TENM2: variants seen among roughly 807,000 people sequenced by gnomAD.
TENM2 encodes the protein teneurin transmembrane protein 2.
A neutral mutation model predicts 245.2 loss-of-function variants in TENM2; 52 were observed. That is an observed-to-expected ratio of 0.21 (90% CI 0.17 to 0.27). TENM2 has a LOEUF of 0.27. TENM2 is among the 10% of genes least tolerant of loss of function. The pLI is 1.00. For missense variants in TENM2, 3,046 were observed against 3,666.8 expected (o/e 0.83, Z 4.37); for synonymous variants, 1,363 against 1,438.9 (o/e 0.95, Z 1.19).
intron 2 of TENM2, among the ~76,000 whole-genome samples, chr5:167,436,721 C>T (rs192610981): frequency 1.8e-4 from 28 of 152,048 alleles, no homozygotes; most frequent in South Asian, 4.2e-4. Context: ...AGTCTAGGGA[C>T]TTGGTGCCCT....
chr5:167,184,206 TA>T, the TENM2 span, among the ~76,000 whole-genome samples: 1 of 152,068 alleles, frequency 6.6e-6, no homozygotes, highest in Non-Finnish European at 1.5e-5. Context: ...AATCAGAAAA[TA>T]GGGGGAAGAG....
chr5:168,182,223 C>A (rs2152493064), intron 13 of TENM2, among the ~76,000 whole-genome samples: 1 of 152,320 alleles, frequency 6.6e-6, no homozygotes, highest in African/African-American at 2.4e-5. Context: ...CCTTTCACTT[C>A]TTAGTTACAT....
At chr5:167,016,593 T>C in the TENM2 span, among the ~76,000 whole-genome samples, 3 of 152,184 alleles carry the variant, frequency 2.0e-5, no homozygotes, top group South Asian at 6.2e-4. Context: ...CTACATAAAA[T>C]GGAATATTAT....
chr5:167,744,342 C>T (rs1300057573), intron 2 of TENM2, among the ~76,000 whole-genome samples: 1 of 152,152 alleles, frequency 6.6e-6, no homozygotes, highest in African/African-American at 2.4e-5. Context: ...CTCTTACCCA[C>T]ACAGTCTCTT....
chr5:167,556,824 C>A (rs925266563), intron 2 of TENM2, among the ~76,000 whole-genome samples: 1 of 152,156 alleles, frequency 6.6e-6, no homozygotes, highest in African/African-American at 2.4e-5. Context: ...AAGTACCCCC[C>A]ATCCCTTGGT....
At chr5:167,235,415 C>G in the TENM2 span, among the ~76,000 whole-genome samples, 1 of 152,088 alleles carries the variant, frequency 6.6e-6, no homozygotes, top group East Asian at 1.9e-4. Context: ...ATGCGCAGCT[C>G]AACTCCCCAC....
chr5:167,273,008 GCACA>G, the TENM2 span, among the ~76,000 whole-genome samples: 1 of 151,684 alleles, frequency 6.6e-6, no homozygotes, highest in Non-Finnish European at 1.5e-5. Flanking sequence ...ATATACAATA[GCACA>G]CACACACACA....
chr5:167,298,552 C>G (rs917841534), intron 1 of TENM2, among the ~76,000 whole-genome samples: 1 of 152,054 alleles, frequency 6.6e-6, no homozygotes, highest in African/African-American at 2.4e-5. Flanking sequence ...TGCAGTGAGC[C>G]GAGATCGTGC....
chr5:167,403,307 A>AT (rs1762461584), intron 2 of TENM2, among the ~76,000 whole-genome samples: 1 of 115,332 alleles, frequency 8.7e-6, no homozygotes, highest in African/African-American at 4.3e-5. Flanking sequence ...GCCACCCTTG[A>AT]TTTTTGGTAG....
chr5:167,708,861 A>G (rs1323830379), intron 2 of TENM2, among the ~76,000 whole-genome samples: 1 of 152,188 alleles, frequency 6.6e-6, no homozygotes, highest in East Asian at 1.9e-4. Flanking sequence ...AGTATATAAG[A>G]GATTGTAATT....
At chr5:168,154,731 T>A (rs1018447373) in intron 12 of TENM2, among the ~76,000 whole-genome samples, 1 of 152,190 alleles carries the variant, frequency 6.6e-6, no homozygotes, top group African/African-American at 2.4e-5. Flanking sequence ...GAAGCTCTGC[T>A]GTTTCTATTG....
At chr5:167,386,233 T>C (rs1761425351) in intron 2 of TENM2, among the ~76,000 whole-genome samples, 1 of 152,190 alleles carries the variant, frequency 6.6e-6, no homozygotes. Flanking sequence ...TGGTATCACA[T>C]TGTGGTTTTG....
At chr5:168,167,196 C>T (rs562556869) in intron 13 of TENM2, among the ~76,000 whole-genome samples, 7 of 152,198 alleles carry the variant, frequency 4.6e-5, no homozygotes, top group African/African-American at 1.7e-4. Context: ...AACATGTGCA[C>T]CAAGTGACAG....
At chr5:167,370,001 G>A (rs889215490) in intron 1 of TENM2, among the ~76,000 whole-genome samples, 5 of 152,144 alleles carry the variant, frequency 3.3e-5, no homozygotes, top group Non-Finnish European at 7.4e-5. Context: ...AATAGAATTA[G>A]TGGGTCAAAG....
chr5:167,068,178 T>C, the TENM2 span, among the ~76,000 whole-genome samples: 1 of 152,212 alleles, frequency 6.6e-6, no homozygotes, highest in Non-Finnish European at 1.5e-5. Flanking sequence ...TGTGTCTTTC[T>C]GAAGTTTAAT....
the TENM2 span, among the ~76,000 whole-genome samples, chr5:167,157,626 CA>C: frequency 6.6e-6 from 1 of 152,112 alleles, no homozygotes; most frequent in Non-Finnish European, 1.5e-5. Context: ...TATGTGAACA[CA>C]AAAGGCCTGT....
At chr5:167,747,888 C>T (rs1024883281) in intron 2 of TENM2, among the ~76,000 whole-genome samples, 5 of 150,952 alleles carry the variant, frequency 3.3e-5, no homozygotes, top group Admixed American at 6.6e-5. Flanking sequence ...TTTCAAGTCC[C>T]TCTCTCTCTA....
chr5:167,546,272 A>G (rs893552993), intron 2 of TENM2, among the ~76,000 whole-genome samples: 6 of 152,144 alleles, frequency 3.9e-5, no homozygotes, highest in African/African-American at 1.2e-4. Context: ...TACACATAGC[A>G]TGTCTTCTTT....
chr5:167,705,983 ATATATATATTTATT>A (rs1279094384), intron 2 of TENM2, among the ~76,000 whole-genome samples: 1,578 of 108,112 alleles, frequency 0.015, 39 homozygotes, highest in African/African-American at 0.064. Context: ...ATATATATAT[ATATATATATTTATT>A]TATTTATTTA....
Sources: gnomAD v4.1 joint callset for allele counts (sites outside exome capture counted in the v4.1 genomes callset) on GRCh38, gnomAD v4.1.1 for gene constraint, MANE v1.5 for transcripts, NCBI Gene and HGNC (gene_info 2026-07-23, HGNC 2026-07-21) for gene names.